Variants in RGS17 observed in about 807,000 individuals in gnomAD.
The protein encoded by RGS17 is regulator of G-protein signaling 17.
Under a neutral mutation model 25.5 loss-of-function variants are expected in RGS17, and 12 were observed. That is an observed-to-expected ratio of 0.47 (90% CI 0.30 to 0.76). The LOEUF (loss-of-function observed/expected upper bound fraction) is 0.76, where lower values mean the gene tolerates loss of function less well. RGS17 is among the 30% of genes least tolerant of loss of function. RGS17 has a pLI of 0.07. For missense variants in RGS17, 196 were observed against 242.2 expected (o/e 0.81, Z 1.27); for synonymous variants, 71 against 76.9 (o/e 0.92, Z 0.40).
intron 1 of RGS17, among the ~76,000 whole-genome samples, chr6:153,087,701 G>A (rs941503906): frequency 6.6e-6 from 1 of 152,120 alleles, no homozygotes; most frequent in East Asian, 1.9e-4. Flanking sequence ...TGTGTAGGAG[G>A]CAGATAATGT....
chr6:153,054,748 C>A (rs1336931767), intron 1 of RGS17, among the ~76,000 whole-genome samples: 1 of 145,942 alleles, frequency 6.9e-6, no homozygotes, highest in African/African-American at 2.6e-5. Flanking sequence ...TTAAAAAAAA[C>A]ATCATAGGCA....
chr6:153,029,830 C>T (rs1779342941), intron 2 of RGS17, among the ~76,000 whole-genome samples: 1 of 152,164 alleles, frequency 6.6e-6, no homozygotes, highest in African/African-American at 2.4e-5. Context: ...ACCTTGTGAT[C>T]CACCCACTTT....
intron 1 of RGS17, among the ~76,000 whole-genome samples, chr6:153,125,480 T>C (rs540734329): frequency 3.9e-5 from 6 of 152,348 alleles, no homozygotes; most frequent in African/African-American, 9.6e-5. Flanking sequence ...CCATAGGTCA[T>C]TGCTTCTCCT....
intron 1 of RGS17, among the ~76,000 whole-genome samples, chr6:153,097,359 C>A (rs913212361): frequency 4.6e-5 from 6 of 131,810 alleles, no homozygotes; most frequent in African/African-American, 1.8e-4. Flanking sequence ...AGTGCAGTGG[C>A]ACCATCTCAG....
At chr6:153,052,008 T>C (rs896317671) in intron 1 of RGS17, among the ~76,000 whole-genome samples, 45 of 152,184 alleles carry the variant, frequency 3.0e-4, no homozygotes, top group African/African-American at 1.1e-3. Flanking sequence ...TGATCTATTC[T>C]TAAAGACAAG....
intron 4 of RGS17, among the ~76,000 whole-genome samples, chr6:153,014,819 C>A (rs567425): frequency 0.7 from 105,363 of 150,706 alleles, 36,983 homozygotes; most frequent in Admixed American, 0.73. Context: ...AAAAAGAAAC[C>A]CATTTCATAA....
intron 1 of RGS17, among the ~76,000 whole-genome samples, chr6:153,088,394 T>C (rs1643546942): frequency 6.6e-6 from 1 of 152,204 alleles, no homozygotes; most frequent in Non-Finnish European, 1.5e-5. Context: ...GACTGAACCC[T>C]TATTTTGTTA....
chr6:153,097,290 ATTT>A (rs3083488), intron 1 of RGS17, among the ~76,000 whole-genome samples: 4 of 88,300 alleles, frequency 4.5e-5, no homozygotes, highest in Non-Finnish European at 8.5e-5. Flanking sequence ...CGTTTTTTTG[ATTT>A]TTTTTTTTTT....
At position 153,006,843 on chromosome 6, in the gene RGS17, CACATGAG is replaced by C. The variant is rs1779081997; in HGVS notation, c.*4724_*4730del. 6.6e-6 allele frequency: 1 copy of C among 152,166 alleles called. No homozygotes were observed. Among genetic ancestry groups the C allele is most frequent in the Non-Finnish European group, 1.5e-5 (1 of 68,020 alleles). The allele number at this position is 152,166 out of a possible 1,614,324, so 9.4% of individuals were successfully genotyped here. A position where few individuals can be genotyped will look rare whatever the true frequency, so the allele number is the denominator to read the frequency against. ...AGAAGATAAATGATTTGCCCAAAGT[CACATGAG>C]ACAGAAATATAACTTGAAATCAAAT... On this transcript the variant is annotated 3_prime_UTR_variant, in exon 5 of 5. Transcript: ENST00000206262.
At chr6:153,128,409 A>G (rs1289530068) in intron 1 of RGS17, among the ~76,000 whole-genome samples, 2 of 152,244 alleles carry the variant, frequency 1.3e-5, no homozygotes, top group Non-Finnish European at 2.9e-5. Context: ...ATGGACTCCC[A>G]GCCCTCTTGG....
At chr6:153,108,292 C>T (rs916092883) in intron 1 of RGS17, among the ~76,000 whole-genome samples, 1 of 152,174 alleles carries the variant, frequency 6.6e-6, no homozygotes, top group East Asian at 1.9e-4. Context: ...TTTTCTATCT[C>T]CATTAAATGT....
chr6:153,011,813 C>T, intron 4 of RGS17, 51 bp from the exon 5 acceptor site: 2 of 1,319,038 alleles, frequency 1.5e-6, no homozygotes, highest in Non-Finnish European at 2.1e-6. Context: ...TTCAAAAGAC[C>T]TCAATTAAGT....
At chr6:153,046,579 T>A (rs1031311154) in intron 1 of RGS17, among the ~76,000 whole-genome samples, 2 of 152,028 alleles carry the variant, frequency 1.3e-5, no homozygotes, top group African/African-American at 4.8e-5. Context: ...ATAACGGGAA[T>A]GTAAAAACAA....
intron 1 of RGS17, among the ~76,000 whole-genome samples, chr6:153,100,170 A>G (rs1447905616): frequency 6.6e-6 from 1 of 152,220 alleles, no homozygotes; most frequent in Non-Finnish European, 1.5e-5. Context: ...CAAATTTTAT[A>G]TGAGGCTAAT....
chr6:153,081,800 AAGT>A (rs1280918279), intron 1 of RGS17, among the ~76,000 whole-genome samples: 1 of 152,202 alleles, frequency 6.6e-6, no homozygotes, highest in Non-Finnish European at 1.5e-5. Context: ...AAAGGAAAGA[AAGT>A]ATTTCATGTT....
intron 4 of RGS17, among the ~76,000 whole-genome samples, chr6:153,013,872 G>A (rs1779157654): frequency 6.6e-6 from 1 of 152,218 alleles, no homozygotes; most frequent in African/African-American, 2.4e-5. Flanking sequence ...GTTGGTTCAT[G>A]AGGTGTAGGG....
chr6:153,054,060 A>ATTT (rs1414506647), intron 1 of RGS17, among the ~76,000 whole-genome samples: 4 of 58,740 alleles, frequency 6.8e-5, no homozygotes, highest in African/African-American at 2.9e-4. Context: ...TGTATATAAT[A>ATTT]TATATACATA....
At chr6:153,099,464 T>A (rs1231640426) in intron 1 of RGS17, among the ~76,000 whole-genome samples, 6 of 152,190 alleles carry the variant, frequency 3.9e-5, no homozygotes, top group African/African-American at 1.4e-4. Context: ...TACCCTGCTA[T>A]AATTAGAGAA....
chr6:153,031,231 C>A (rs1779359487), intron 2 of RGS17, among the ~76,000 whole-genome samples: 1 of 152,122 alleles, frequency 6.6e-6, no homozygotes, highest in African/African-American at 2.4e-5. Context: ...TTTGTTTTCA[C>A]CATTCATAAT....
Sources: allele counts gnomAD v4.1 joint callset (sites outside exome capture counted in the v4.1 genomes callset), GRCh38; gene constraint gnomAD v4.1.1; transcripts MANE v1.5; gene names NCBI Gene and HGNC (gene_info 2026-07-23, HGNC 2026-07-21).